PARP8: variants seen among roughly 807,000 people sequenced by gnomAD.
The protein encoded by PARP8 is protein mono-ADP-ribosyltransferase PARP8.
In PARP8, 51 loss-of-function variants were observed where a neutral mutation model predicts 124.1. The ratio of observed to expected loss-of-function variants is 0.41; its 90% CI spans 0.33 to 0.52. The LOEUF is 0.52. Ranked by LOEUF, PARP8 falls within the 20% of genes least tolerant of loss-of-function variation. The probability of loss-of-function intolerance (pLI) is 0.21; values close to 1 mark genes in which losing one functional copy is unlikely to be tolerated. For missense variants in PARP8, 860 were observed against 1,018.9 expected (o/e 0.84, Z 2.12); for synonymous variants, 391 against 361.5 (o/e 1.08, Z -0.93).
intron 2 of PARP8, among the ~76,000 whole-genome samples, chr5:50,670,089 G>A (rs1749832203): frequency 6.6e-6 from 1 of 152,100 alleles, no homozygotes; most frequent in African/African-American, 2.4e-5. Context: ...TGAAAATAAC[G>A]TATTTGTTTT....
At chr5:50,799,714 C>A (rs770739643) in intron 14 of PARP8, among the ~76,000 whole-genome samples, 1 of 152,224 alleles carries the variant, frequency 6.6e-6, no homozygotes, top group Middle Eastern at 3.4e-3. Context: ...ATCCTAACTC[C>A]CATGTGATGG....
Position 50,832,768 on chromosome 5 carries a change from C to G in PARP8, c.2234-13C>G. 1.2e-6 allele frequency: 2 copies of G among 1,612,694 alleles called. No homozygotes were observed. Among genetic ancestry groups the G allele is most frequent in the South Asian group, 2.2e-5 (2 of 91,064 alleles). On this transcript the variant is annotated splice_polypyrimidine_tract_variant and intron_variant, in intron 22 of 25. Coordinates refer to ENST00000281631, the MANE Select transcript of PARP8 (RefSeq NM_024615.4). Reference sequence around the variant, plus strand: ...GCTTTGTCCCTAAATTATTATTTTGCCGATGTTTTCAGGGATGAACAAGAA... The same window carrying G: ...GCTTTGTCCCTAAATTATTATTTTGGCGATGTTTTCAGGGATGAACAAGAA...
At chr5:50,795,748 C>T (rs1047871829) in intron 12 of PARP8, among the ~76,000 whole-genome samples, 1 of 152,208 alleles carries the variant, frequency 6.6e-6, no homozygotes, top group Admixed American at 6.5e-5. Context: ...TTTAATGTTT[C>T]ATTAAGTAGG....
intron 2 of PARP8, among the ~76,000 whole-genome samples, chr5:50,746,073 A>G (rs1445145240): frequency 1.3e-5 from 2 of 152,194 alleles, no homozygotes; most frequent in South Asian, 2.1e-4. Context: ...TTTTACTACT[A>G]TGATAGCTTC....
At chr5:50,825,910 T>A (rs548142636) in intron 18 of PARP8, among the ~76,000 whole-genome samples, 2 of 152,178 alleles carry the variant, frequency 1.3e-5, no homozygotes, top group Non-Finnish European at 2.9e-5. Flanking sequence ...TTTAATTTAG[T>A]CTAACAAGAT....
intron 3 of PARP8, among the ~76,000 whole-genome samples, chr5:50,755,259 T>C (rs879031980): frequency 2.0e-5 from 3 of 152,120 alleles, no homozygotes; most frequent in Admixed American, 6.6e-5. Context: ...CTTGCCCATG[T>C]CTATGTCCTG....
chr5:50,795,752 A>C (rs568572526), intron 12 of PARP8, among the ~76,000 whole-genome samples: 66 of 152,348 alleles, frequency 4.3e-4, no homozygotes, highest in African/African-American at 1.6e-3. Flanking sequence ...ATGTTTCATT[A>C]AGTAGGTGTA....
Position 50,816,842 on chromosome 5 carries a change from C to G in PARP8, c.1668+1318C>G, listed in dbSNP as rs145537222. Among the ~76,000 whole-genome samples the G allele has an allele frequency of 1.9e-3, 282 of 151,688 alleles. 1 individual carries two copies. The highest frequency in any genetic ancestry group is 6.5e-3 in the African/African-American group (269 of 41,210). ...GAGAGCCTTTTTCTTTTCCATCCTT[C>G]TTTTTTAAATGTGAAAGTTTTTCTT... is the stretch of plus-strand genomic sequence containing the variant. On this transcript the variant is annotated intron_variant, in intron 15 of 25. Coordinates refer to ENST00000281631, the MANE Select transcript of PARP8 (RefSeq NM_024615.4).
intron 2 of PARP8, among the ~76,000 whole-genome samples, chr5:50,737,228 A>G (rs1757558813): frequency 6.6e-6 from 1 of 152,166 alleles, no homozygotes; most frequent in South Asian, 2.1e-4. Context: ...TATTCCACAT[A>G]TAAAGTCATT....
At chr5:50,668,930 G>C (rs1337781950) in intron 2 of PARP8, 4 of 152,196 alleles carry the variant, frequency 2.6e-5, no homozygotes, top group African/African-American at 7.2e-5. Flanking sequence ...GACCAGCCCT[G>C]CTGTTAGGAC....
chr5:50,822,633 A>G (rs1469573694), intron 17 of PARP8, among the ~76,000 whole-genome samples: 1 of 152,200 alleles, frequency 6.6e-6, no homozygotes, highest in Non-Finnish European at 1.5e-5. Context: ...AAACTCGGGC[A>G]AGAGCTTGGG....
At chr5:50,763,341 G>A (rs1760748478) in intron 7 of PARP8, 99 bp downstream of exon 7, 7 of 843,986 alleles carry the variant, frequency 8.3e-6, no homozygotes, top group Admixed American at 4.4e-5. Context: ...GGTTTTAATT[G>A]TATTTTAAAG....
In PARP8 at chr5:50,844,686, A is replaced by G. The variant is rs1436483512; in HGVS notation, c.*2618A>G. Reference sequence around the variant, plus strand: ...ACTTAGATAGTAACCCACTGAGCAAAGGCAGTCATTTATTTTCATCCTTGA... The same window carrying G: ...ACTTAGATAGTAACCCACTGAGCAAGGGCAGTCATTTATTTTCATCCTTGA... On this transcript the variant is annotated 3_prime_UTR_variant, in exon 26 of 26. Coordinates refer to ENST00000281631, the MANE Select transcript of PARP8 (RefSeq NM_024615.4). 6.6e-6 allele frequency: 1 copy of G among 151,770 alleles called. No homozygotes were observed. The highest frequency in any genetic ancestry group is 1.9e-4 in the East Asian group (1 of 5,170). 9.4% of individuals were successfully genotyped at this position (151,770 alleles called of 1,614,324 possible). A position where few individuals can be genotyped will look rare whatever the true frequency, so the allele number is the denominator to read the frequency against.
intron 2 of PARP8, among the ~76,000 whole-genome samples, chr5:50,702,120 C>T (rs1414362156): frequency 1.1e-4 from 17 of 151,912 alleles, no homozygotes; most frequent in African/African-American, 3.1e-4. Flanking sequence ...TGTAAGTATT[C>T]GTTTGCTTTT....
At chr5:50,812,001 G>C (rs1744510240) in intron 14 of PARP8, among the ~76,000 whole-genome samples, 1 of 152,106 alleles carries the variant, frequency 6.6e-6, no homozygotes, top group South Asian at 2.1e-4. Flanking sequence ...ATGGACATTT[G>C]GGTTGGTTCC....
chr5:50,832,867 C>T lies in PARP8; in HGVS notation c.2307+13C>T. On this transcript the variant is annotated intron_variant, in intron 23 of 25. Transcript: ENST00000281631. ...CAATACATCACAGGTGTTGTAGTGA[C>T]TTTAGTGACTGCTTATGATTAGTGA... 1 of 1,611,156 alleles carries T rather than the reference C, an allele frequency of 6.2e-7. No individual in the cohort carries two copies. The highest frequency in any genetic ancestry group is 2.2e-5 in the East Asian group (1 of 44,780).
At chr5:50,669,439 A>G (rs961373926) in intron 2 of PARP8, 4 of 152,188 alleles carry the variant, frequency 2.6e-5, no homozygotes, top group Non-Finnish European at 4.4e-5. Flanking sequence ...AACAGAGTTG[A>G]CTTTTCACTA....
chr5:50,794,997 A>C lies in PARP8; in HGVS notation c.1008A>C (p.Ser336=). ...CTGATGATGTGTGTGTCACAAAGTC[A>C]CACAGGACCTTTGGCCGCTCCTTGT... is the stretch of plus-strand genomic sequence containing the variant. The part of the protein sequence containing the change: ...VKTDDVCVTK[S]HRTFGRSLSS... Residue 336 remains serine, a synonymous_variant, in exon 12 of 26, where the codon TCA becomes TCC. Coordinates refer to ENST00000281631, the MANE Select transcript of PARP8 (RefSeq NM_024615.4). The C allele has an allele frequency of 1.2e-6, 2 of 1,614,238 alleles. No individual in the cohort carries two copies.
At chr5:50,683,604 C>T (rs1751525065) in intron 2 of PARP8, among the ~76,000 whole-genome samples, 1 of 140,690 alleles carries the variant, frequency 7.1e-6, no homozygotes, top group Non-Finnish European at 1.6e-5. Flanking sequence ...TAACATCTCA[C>T]TGACACATAT....
Sources: allele counts gnomAD v4.1 joint callset (sites outside exome capture counted in the v4.1 genomes callset), GRCh38; gene constraint gnomAD v4.1.1; transcripts MANE v1.5; gene names NCBI Gene and HGNC (gene_info 2026-07-23, HGNC 2026-07-21).